NCAPG2: variants seen among roughly 807,000 people sequenced by gnomAD.
NCAPG2 encodes non-SMC condensin II complex subunit G2.
Under a neutral mutation model 141.1 loss-of-function variants are expected in NCAPG2, and 53 were observed. That is an observed-to-expected ratio of 0.38 (90% CI 0.30 to 0.47). NCAPG2 has a LOEUF of 0.47. NCAPG2 is among the 20% of genes least tolerant of loss of function. The pLI is 0.99. For synonymous variants in NCAPG2, 499 were observed against 490.7 expected, an observed-to-expected ratio of 1.02 and a Z score of -0.22; for missense variants, 1,087 against 1,389.0, an observed-to-expected ratio of 0.78 and a Z score of 3.46.
intron 25 of NCAPG2, 104 bp from the exon 26 acceptor site, chr7:158,645,723 T>C: frequency 1.0e-6 from 1 of 1,003,168 alleles, no homozygotes; most frequent in Admixed American, 2.0e-5. Flanking sequence ...AACCCCAGTT[T>C]GCAGGGGACG....
At chr7:158,641,411 C>T in intron 27 of NCAPG2, 1 of 536,730 alleles carries the variant, frequency 1.9e-6, no homozygotes, top group Non-Finnish European at 3.3e-6. Context: ...AATATAAAGA[C>T]ACATATAGAT....
At chr7:158,682,629 G>A (rs1027357310) in intron 9 of NCAPG2, among the ~76,000 whole-genome samples, 7 of 152,140 alleles carry the variant, frequency 4.6e-5, no homozygotes, top group Middle Eastern at 3.2e-3. Context: ...ACATATGGTT[G>A]CCAAAACTAA....
intron 26 of NCAPG2, 61 bp downstream of exon 26, chr7:158,645,458 A>G (rs187310477): frequency 1.2e-5 from 18 of 1,464,082 alleles, no homozygotes; most frequent in Non-Finnish European, 9.6e-6. Flanking sequence ...CCGGAATCCC[A>G]TGACAGCACC....
intron 17 of NCAPG2, among the ~76,000 whole-genome samples, chr7:158,657,346 C>T (rs1322672895): frequency 6.6e-6 from 1 of 152,334 alleles, no homozygotes; most frequent in South Asian, 2.1e-4. Context: ...GCTCAAATAG[C>T]CAAAGCCCAG....
At chr7:158,668,772 C>CTT (rs1331176050) in intron 13 of NCAPG2, among the ~76,000 whole-genome samples, 1 of 152,168 alleles carries the variant, frequency 6.6e-6, no homozygotes, top group Non-Finnish European at 1.5e-5. Context: ...TTTGGTCCAA[C>CTT]TTTTAAGTTC....
intron 24 of NCAPG2, among the ~76,000 whole-genome samples, chr7:158,650,222 T>G (rs1482998250): frequency 2.6e-5 from 4 of 152,158 alleles, no homozygotes; most frequent in African/African-American, 9.7e-5. Context: ...ATTTTTTGTA[T>G]CTTTAGTAGA....
chr7:158,694,344 G>A (rs1835310605), intron 2 of NCAPG2, among the ~76,000 whole-genome samples: 2 of 152,166 alleles, frequency 1.3e-5, no homozygotes, highest in South Asian at 4.1e-4. Flanking sequence ...CTGTTTTATA[G>A]CCATCACAAT....
intron 7 of NCAPG2, 134 bp from the exon 8 acceptor site, chr7:158,686,375 G>A (rs2129468384): frequency 1.9e-6 from 1 of 513,176 alleles, no homozygotes; most frequent in Middle Eastern, 2.8e-4. Flanking sequence ...ATCATCTATA[G>A]AAATAGGTTA....
chr7:158,650,761 T>C (rs1563508174), intron 24 of NCAPG2, 71 bp downstream of exon 24: 1 of 1,496,442 alleles, frequency 6.7e-7, no homozygotes, highest in Non-Finnish European at 9.0e-7. Context: ...GTAGAGAATG[T>C]ACTGCTAGTA....
In NCAPG2 at chr7:158,678,847, CT is replaced by C. The variant is rs112704742; in HGVS notation, c.1146+1112del. On this transcript the variant is annotated intron_variant, in intron 11 of 27. Transcript: ENST00000356309. ...AAGAAGTATACAGATATTTATTACA[CT>C]TTTTTTTCTTTTTATTTTTTGAGAC... is the stretch of plus-strand genomic sequence containing the variant. Among the ~76,000 whole-genome samples, 63 of 151,396 alleles carry C rather than the reference CT, an allele frequency of 4.2e-4. 2 individuals are homozygous for C. Among genetic ancestry groups the C allele is most frequent in the African/African-American group, 1.3e-3 (53 of 41,286 alleles).
At chr7:158,634,617 T>C (rs1830073388) in intron 27 of NCAPG2, among the ~76,000 whole-genome samples, 1 of 152,188 alleles carries the variant, frequency 6.6e-6, no homozygotes, top group Non-Finnish European at 1.5e-5. Context: ...GCAACAAGAA[T>C]GACTCTTTAT....
At chr7:158,672,621 G>A (rs1402823384) in intron 12 of NCAPG2, among the ~76,000 whole-genome samples, 3 of 152,068 alleles carry the variant, frequency 2.0e-5, no homozygotes, top group East Asian at 1.9e-4. Flanking sequence ...GACTACAGGC[G>A]TGAGCCATCA....
intron 22 of NCAPG2, among the ~76,000 whole-genome samples, chr7:158,654,158 G>A (rs529865772): frequency 6.6e-6 from 1 of 152,304 alleles, no homozygotes; most frequent in Admixed American, 6.5e-5. Flanking sequence ...GGGTCACCCT[G>A]TGCTAACCCT....
chr7:158,683,410 A>C, intron 8 of NCAPG2, 24 bp from the exon 9 acceptor site: 1 of 1,570,088 alleles, frequency 6.4e-7, no homozygotes, highest in Non-Finnish European at 8.7e-7. Context: ...TGCAATGCAA[A>C]GCACTTGGTG....
chr7:158,663,340 T>C (rs1168884578), intron 15 of NCAPG2, among the ~76,000 whole-genome samples: 1 of 152,260 alleles, frequency 6.6e-6, no homozygotes, highest in Non-Finnish European at 1.5e-5. Flanking sequence ...CGGAAGTGGC[T>C]CTCACTCTCA....
intron 1 of NCAPG2, among the ~76,000 whole-genome samples, chr7:158,702,667 T>C (rs1048030130): frequency 2.6e-5 from 4 of 152,154 alleles, no homozygotes; most frequent in African/African-American, 9.7e-5. Context: ...CCCCTCACTT[T>C]AAAAATAAAT....
At chr7:158,679,907 C>T in intron 11 of NCAPG2, 53 bp downstream of exon 11, 3 of 1,600,362 alleles carry the variant, frequency 1.9e-6, no homozygotes, top group Non-Finnish European at 2.6e-6. Flanking sequence ...GTACATGCCA[C>T]AGCCTGGACA....
At position 158,631,431 on chromosome 7, in the gene NCAPG2, C is replaced by A; in HGVS notation, c.*235G>T. 5 of 489,922 alleles carry A rather than the reference C, an allele frequency of 1.0e-5. No homozygotes were observed. The highest frequency in any genetic ancestry group is 3.4e-5 in the South Asian group (1 of 29,404). The allele number at this position is 489,922 out of a possible 1,614,324, so 30.3% of individuals were successfully genotyped here. A position where few individuals can be genotyped will look rare whatever the true frequency, so the allele number is the denominator to read the frequency against. ...TTCTTGGAATCATGGATTTCTACAC[C>A]ATTCATACCTGGAGTCCTTTATATT... On this transcript the variant is annotated 3_prime_UTR_variant, in exon 28 of 28. Coordinates refer to ENST00000356309, the MANE Select transcript of NCAPG2 (RefSeq NM_017760.7).
chr7:158,651,095 T>C lies in NCAPG2; in HGVS notation c.2935-123A>G, dbSNP rs186741244. On this transcript the variant is annotated intron_variant, in intron 23 of 27. Coordinates refer to ENST00000356309, the MANE Select transcript of NCAPG2 (RefSeq NM_017760.7). ...CCAGGACTCAAGGAGTCACTGATCT[T>C]GTTTGCCTGCTACCAGTGCCCACTA... The C allele has an allele frequency of 4.2e-4, 442 of 1,046,102 alleles. 3 individuals carry two copies. In the African/African-American group the frequency reaches 6.8e-3, roughly 16 times the overall value. The allele number at this position is 1,046,102 out of a possible 1,614,324, so 64.8% of individuals were successfully genotyped here. A position where few individuals can be genotyped will look rare whatever the true frequency, so the allele number is the denominator to read the frequency against.
Sources: gnomAD v4.1 joint callset for allele counts (sites outside exome capture counted in the v4.1 genomes callset) on GRCh38, gnomAD v4.1.1 for gene constraint, MANE v1.5 for transcripts, NCBI Gene and HGNC (gene_info 2026-07-23, HGNC 2026-07-21) for gene names.